TET2: variants seen among roughly 807,000 people sequenced by gnomAD.
TET2 encodes tet methylcytosine dioxygenase 2.
Under a neutral mutation model 142.9 loss-of-function variants are expected in TET2, and 299 were observed. The observed-to-expected ratio is 2.09, with a 90% CI of 1.90 to 2.30. TET2 has a LOEUF of 2.30. Among genes scored for constraint, TET2 ranks in the 30% most tolerant of loss-of-function variants. The pLI is 0.00. For synonymous variants in TET2, 819 were observed against 849.0 expected (o/e 0.96, Z 0.61); for missense variants, 2,418 against 2,378.0 (o/e 1.02, Z -0.35).
intron 2 of TET2, among the ~76,000 whole-genome samples, chr4:105,210,053 C>T (rs2007403): frequency 0.49 from 74,211 of 151,966 alleles, 19,397 homozygotes; most frequent in Non-Finnish European, 0.61. Flanking sequence ...TAAGTAACTG[C>T]GTGGATGATA....
At chr4:105,200,729 T>C (rs1726410161) in intron 2 of TET2, among the ~76,000 whole-genome samples, 1 of 152,126 alleles carries the variant, frequency 6.6e-6, no homozygotes. Context: ...GATACAATCT[T>C]GGCTCATTGC....
chr4:105,171,282 G>A (rs940442440), intron 1 of TET2: 3 of 151,974 alleles, frequency 2.0e-5, no homozygotes, highest in Admixed American at 2.0e-4. Context: ...TACTATTAAA[G>A]AATTATCATT....
chr4:105,183,071 A>G (rs979997200), intron 1 of TET2, among the ~76,000 whole-genome samples: 93 of 152,274 alleles, frequency 6.1e-4, no homozygotes, highest in African/African-American at 2.2e-3. Flanking sequence ...ATCTGGGTTA[A>G]TGCTATAGAT....
In TET2 at chr4:105,244,756, C is replaced by T. The variant is rs537466138; in HGVS notation, c.3803+978C>T. On this transcript the variant is annotated intron_variant, in intron 6 of 10. Coordinates refer to ENST00000380013, the MANE Select transcript of TET2 (RefSeq NM_001127208.3). The stretch of plus-strand genomic sequence containing the variant: ...GATTACAGGCATGTGCCACCACACC[C>T]GGCTAATTTTGTATTTTTAGTAGAG... Among the ~76,000 whole-genome samples the T allele has an allele frequency of 6.6e-5, 10 of 151,930 alleles. No homozygotes were observed. In the East Asian group the frequency reaches 7.8e-4, roughly 12 times the overall value.
chr4:105,177,582 C>T (rs1724874782), intron 1 of TET2: 1 of 152,092 alleles, frequency 6.6e-6, no homozygotes, highest in African/African-American at 2.4e-5. Flanking sequence ...AATGAGATAC[C>T]GCTACATACC....
chr4:105,205,848 G>A (rs1016371989), intron 2 of TET2, among the ~76,000 whole-genome samples: 1 of 151,950 alleles, frequency 6.6e-6, no homozygotes, highest in African/African-American at 2.4e-5. Context: ...TGGTCAGGCC[G>A]GTCTCAAACT....
intron 1 of TET2, among the ~76,000 whole-genome samples, chr4:105,173,180 A>T (rs1037550385): frequency 6.6e-6 from 1 of 152,174 alleles, no homozygotes; most frequent in Non-Finnish European, 1.5e-5. Flanking sequence ...GAAAATGTGC[A>T]TAAAATTTCC....
intron 2 of TET2, among the ~76,000 whole-genome samples, chr4:105,209,429 C>G (rs143715267): frequency 1.3e-5 from 2 of 151,936 alleles, no homozygotes; most frequent in Non-Finnish European, 2.9e-5. Flanking sequence ...AACTTTGGAT[C>G]TTTATGTTAA....
rs935583370 is a variant in TET2 at position 105,256,092 on chromosome 4, TTA to T, written c.3804-3525_3804-3524del. ...TTTATTTTATGCCCATTAACACAGA[TTA>T]TGTTTTTTCTTTTAAATCAGATTGA... On this transcript the variant is annotated intron_variant, in intron 6 of 10. Transcript: ENST00000380013. 9.3e-4 allele frequency among the ~76,000 whole-genome samples: 142 copies of T among 152,274 alleles called. 1 individual carries two copies. Among genetic ancestry groups the T allele is most frequent in the African/African-American group, 3.2e-3 (134 of 41,582 alleles).
intron 1 of TET2, among the ~76,000 whole-genome samples, chr4:105,174,406 CTT>C (rs1410222251): frequency 6.6e-6 from 1 of 152,090 alleles, no homozygotes; most frequent in Non-Finnish European, 1.5e-5. Context: ...ACAAAAAACT[CTT>C]TAAAAACACA....
intron 1 of TET2, chr4:105,177,749 C>T (rs1724883459): frequency 6.6e-6 from 1 of 152,162 alleles, no homozygotes; most frequent in Non-Finnish European, 1.5e-5. Flanking sequence ...ATACTCTTCC[C>T]ATATGATTCA....
chr4:105,196,653 TTTCTC>T (rs1244208812), intron 2 of TET2, among the ~76,000 whole-genome samples: 2 of 152,202 alleles, frequency 1.3e-5, no homozygotes, highest in African/African-American at 4.8e-5. Flanking sequence ...GAACTTCCCT[TTTCTC>T]TTAACTACAC....
Position 105,237,174 on chromosome 4 carries a change from AC to A in TET2, c.3236del (p.Pro1079GlnfsTer3), listed in dbSNP as rs759454368. The A allele has an allele frequency of 6.2e-7, 1 of 1,614,112 alleles. No homozygotes were observed. The highest frequency in any genetic ancestry group is 8.5e-7 in the Non-Finnish European group (1 of 1,180,020). ...QTTAAELDSH[T>X]PALEQQTTSS... is the part of the protein sequence containing the mutation. ...CACTGCTGCAGAACTTGATAGCCACACCCCAGCTTTAGAGCAGCAAACAACT... is the reference window on the plus strand; with the variant it reads ...CACTGCTGCAGAACTTGATAGCCACACCCAGCTTTAGAGCAGCAAACAACT... On this transcript the variant is annotated frameshift_variant, in exon 3 of 11. Transcript: ENST00000380013. LOFTEE classifies it high-confidence loss of function.
At chr4:105,148,458 G>T (rs1723143896) in intron 1 of TET2, among the ~76,000 whole-genome samples, 1 of 152,120 alleles carries the variant, frequency 6.6e-6, no homozygotes, top group African/African-American at 2.4e-5. Flanking sequence ...TTCAGTCAGG[G>T]ATTATAATGG....
chr4:105,159,704 A>G (rs577609104), intron 1 of TET2, among the ~76,000 whole-genome samples: 1 of 152,318 alleles, frequency 6.6e-6, no homozygotes, highest in Non-Finnish European at 1.5e-5. Context: ...CCTGCCTCCC[A>G]GCCTCACAAA....
At chr4:105,163,382 T>G (rs984727747) in intron 1 of TET2, among the ~76,000 whole-genome samples, 1 of 152,176 alleles carries the variant, frequency 6.6e-6, no homozygotes, top group Non-Finnish European at 1.5e-5. Flanking sequence ...AATCATGGAT[T>G]GCTACAAGCT....
chr4:105,181,578 A>T (rs1217856117), intron 1 of TET2, among the ~76,000 whole-genome samples: 1 of 152,284 alleles, frequency 6.6e-6, no homozygotes, highest in African/African-American at 2.4e-5. Flanking sequence ...ATGGTTTAAA[A>T]CTTCTTTAAA....
At chr4:105,163,781 T>A (rs1723974735) in intron 1 of TET2, among the ~76,000 whole-genome samples, 1 of 147,042 alleles carries the variant, frequency 6.8e-6, no homozygotes, top group African/African-American at 2.5e-5. Context: ...CAACAAGCAG[T>A]CTGGTGTTTG....
intron 1 of TET2, among the ~76,000 whole-genome samples, chr4:105,168,110 T>A (rs185382371): frequency 6.6e-6 from 1 of 152,306 alleles, no homozygotes; most frequent in African/African-American, 2.4e-5. Flanking sequence ...TGTTTCTAGC[T>A]TTGCTCCCCC....
Sources: gnomAD v4.1 joint callset for allele counts (sites outside exome capture counted in the v4.1 genomes callset) on GRCh38, gnomAD v4.1.1 for gene constraint, MANE v1.5 for transcripts, NCBI Gene and HGNC (gene_info 2026-07-23, HGNC 2026-07-21) for gene names.